Variants in SCRG1 observed in about 807,000 individuals in gnomAD.
SCRG1 encodes the protein scrapie-responsive protein 1.
A neutral mutation model predicts 7.7 loss-of-function variants in SCRG1; 3 were observed. That is an observed-to-expected ratio of 0.39 (90% CI 0.18 to 1.01). SCRG1 has a LOEUF of 1.01. SCRG1 is among the 50% of genes least tolerant of loss of function. The pLI, the probability that SCRG1 is intolerant of heterozygous loss-of-function variation, is 0.36. For synonymous variants in SCRG1, 46 were observed against 41.2 expected, an observed-to-expected ratio of 1.12 and a Z score of -0.44; for missense variants, 110 against 117.2, an observed-to-expected ratio of 0.94 and a Z score of 0.28.
At chr4:173,473,324 T>C in the SCRG1 span, among the ~76,000 whole-genome samples, 3 of 152,178 alleles carry the variant, frequency 2.0e-5, no homozygotes, top group Admixed American at 6.5e-5. Context: ...TGACCACACA[T>C]CGTATTAGCC....
chr4:173,410,827 A>G (rs1414068376), upstream of SCRG1, among the ~76,000 whole-genome samples: 2 of 152,228 alleles, frequency 1.3e-5, no homozygotes, highest in African/African-American at 2.4e-5. Context: ...CACTTGTTAT[A>G]ATAGAAAATG....
chr4:173,419,854 G>C, the SCRG1 span: 1 of 1,263,710 alleles, frequency 7.9e-7, no homozygotes, highest in African/African-American at 1.5e-5. Flanking sequence ...TGAGAAGCCT[G>C]CGGGCCAGCA....
chr4:173,403,642 A>G (rs1739818828), upstream of SCRG1, among the ~76,000 whole-genome samples: 1 of 152,318 alleles, frequency 6.6e-6, no homozygotes, highest in East Asian at 1.9e-4. Flanking sequence ...TTAGGAGCCC[A>G]TGGAATAGTT....
chr4:173,390,123 A>C (rs1739383120), intron 2 of SCRG1, among the ~76,000 whole-genome samples: 1 of 152,106 alleles, frequency 6.6e-6, no homozygotes. Flanking sequence ...GGCTCACTGC[A>C]ACCTCCTCCT....
chr4:173,426,692 C>T, the SCRG1 span, among the ~76,000 whole-genome samples: 1 of 152,190 alleles, frequency 6.6e-6, no homozygotes, highest in Non-Finnish European at 1.5e-5. Context: ...TGGTCTTGAA[C>T]TCCTGGGCTC....
At chr4:173,392,127 C>T (rs1049103722) in intron 1 of SCRG1, among the ~76,000 whole-genome samples, 30 of 152,094 alleles carry the variant, frequency 2.0e-4, no homozygotes, top group African/African-American at 6.0e-4. Flanking sequence ...ATCCTAACAA[C>T]ATTGTCAAAG....
chr4:173,420,041 G>T, the SCRG1 span: 1 of 636,738 alleles, frequency 1.6e-6, no homozygotes, highest in South Asian at 1.5e-5. Flanking sequence ...AAGCATTTCT[G>T]AGCATAGTAA....
At chr4:173,503,635 A>C in the SCRG1 span, among the ~76,000 whole-genome samples, 1 of 152,216 alleles carries the variant, frequency 6.6e-6, no homozygotes, top group Non-Finnish European at 1.5e-5. The surrounding 1 kb of genome is among the most constrained non-coding windows in gnomAD (Gnocchi z 6.4). Flanking sequence ...ATATGTGACA[A>C]ATATCCTTGT....
chr4:173,401,819 C>T (rs1739769311), upstream of SCRG1, among the ~76,000 whole-genome samples: 1 of 152,184 alleles, frequency 6.6e-6, no homozygotes, highest in African/African-American at 2.4e-5. Context: ...GCTGGACTTC[C>T]TATCATTTCT....
At chr4:173,423,379 A>G in the SCRG1 span, among the ~76,000 whole-genome samples, 140,955 of 152,174 alleles carry the variant, frequency 0.93, 66,221 homozygotes, top group Non-Finnish European at 1. Flanking sequence ...AGTTGGACCT[A>G]TAGATATTTT....
chr4:173,405,189 G>A (rs141353476), intron 1 of SCRG1, among the ~76,000 whole-genome samples: 6 of 152,196 alleles, frequency 3.9e-5, no homozygotes, highest in Admixed American at 1.3e-4. Flanking sequence ...GACTTTGACC[G>A]TTTTGAGGAA....
chr4:173,501,620 A>C, the SCRG1 span, among the ~76,000 whole-genome samples: 1 of 151,996 alleles, frequency 6.6e-6, no homozygotes, highest in African/African-American at 2.4e-5. This position sits in a 1 kb window ranked among gnomAD's most constrained non-coding sequence, Gnocchi z 5.1. Flanking sequence ...GCTCTCCCTG[A>C]CCCTAGAGGG....
the SCRG1 span, among the ~76,000 whole-genome samples, chr4:173,493,086 G>A: frequency 2.0e-5 from 3 of 152,126 alleles, no homozygotes; most frequent in East Asian, 1.9e-4. Flanking sequence ...ACCGAGAGCC[G>A]TGTTGTTGTT....
At chr4:173,470,163 G>A in the SCRG1 span, 3 of 133,564 alleles carry the variant, frequency 2.2e-5, no homozygotes, top group Non-Finnish European at 4.7e-5. Context: ...TGGTCGGGAT[G>A]TGTTGTTTTT....
At chr4:173,457,778 C>T in the SCRG1 span, among the ~76,000 whole-genome samples, 1 of 151,376 alleles carries the variant, frequency 6.6e-6, no homozygotes, top group Non-Finnish European at 1.5e-5. Context: ...GACACTTATA[C>T]CTATACTACC....
At chr4:173,457,944 T>C in the SCRG1 span, among the ~76,000 whole-genome samples, 1 of 152,144 alleles carries the variant, frequency 6.6e-6, no homozygotes, top group Non-Finnish European at 1.5e-5. Context: ...TTGATAAAAG[T>C]TCTGTCTGTC....
chr4:173,497,650 C>CAAAA, the SCRG1 span, among the ~76,000 whole-genome samples: 10 of 103,820 alleles, frequency 9.6e-5, no homozygotes, highest in Admixed American at 2.4e-4. Context: ...AGCAAGCAAG[C>CAAAA]AAAAAAAAAA....
At chr4:173,394,033 A>C (rs1465590581) in intron 1 of SCRG1, among the ~76,000 whole-genome samples, 1 of 152,036 alleles carries the variant, frequency 6.6e-6, no homozygotes, top group Non-Finnish European at 1.5e-5. Context: ...ATTTGTAGAA[A>C]TCATATAGTT....
chr4:173,461,541 T>A, the SCRG1 span, among the ~76,000 whole-genome samples: 2 of 152,192 alleles, frequency 1.3e-5, no homozygotes, highest in East Asian at 3.8e-4. Flanking sequence ...GCAGTTTAGA[T>A]CACAACACCC....
Sources: allele counts gnomAD v4.1 joint callset (sites outside exome capture counted in the v4.1 genomes callset), GRCh38; gene constraint gnomAD v4.1.1; non-coding constraint Gnocchi (gnomAD v3.1); transcripts MANE v1.5; gene names NCBI Gene and HGNC (gene_info 2026-07-23, HGNC 2026-07-21).